RIC1: variants seen among roughly 807,000 people sequenced by gnomAD.
RIC1 encodes RIC1 partner of RAB6A GEF complex.
Under a neutral mutation model 169.0 loss-of-function variants are expected in RIC1, and 88 were observed. The ratio of observed to expected loss-of-function variants is 0.52; its 90% CI spans 0.44 to 0.62. The LOEUF (loss-of-function observed/expected upper bound fraction) is 0.62, where lower values mean the gene tolerates loss of function less well. Among genes scored for constraint, RIC1 ranks in the 20% least tolerant of loss-of-function variants. The pLI is 0.00. For missense variants in RIC1, 1,877 were observed against 1,725.5 expected, an observed-to-expected ratio of 1.09 and a Z score of -1.56; for synonymous variants, 790 against 601.5, an observed-to-expected ratio of 1.31 and a Z score of -4.59.
chr9:5,700,299 A>G (rs991972061), intron 3 of RIC1, among the ~76,000 whole-genome samples: 3 of 152,190 alleles, frequency 2.0e-5, no homozygotes, highest in African/African-American at 7.2e-5. Context: ...TTATAATGGG[A>G]TTAATCCCTT....
At chr9:5,673,951 G>C (rs898777322) in intron 2 of RIC1, among the ~76,000 whole-genome samples, 1 of 151,904 alleles carries the variant, frequency 6.6e-6, no homozygotes, top group African/African-American at 2.4e-5. Context: ...TTTATATAAA[G>C]AAAAAAATTG....
At chr9:5,777,858 C>T (rs892734155), downstream of RIC1, among the ~76,000 whole-genome samples, 5 of 152,060 alleles carry the variant, frequency 3.3e-5, no homozygotes, top group African/African-American at 1.2e-4. Context: ...ACCACATTGC[C>T]TTGATTTCTG....
rs1400462289 is a variant in RIC1 at position 5,713,753 on chromosome 9, GTC to G, written c.333-141_333-140del. The G allele has an allele frequency of 3.4e-4, 172 of 510,352 alleles. 2 individuals carry two copies. The East Asian group carries it at 5.5e-3, about 16-fold the overall frequency. 31.6% of individuals were successfully genotyped at this position (510,352 alleles called of 1,614,324 possible). On this transcript the variant is annotated intron_variant, in intron 3 of 25. Transcript: ENST00000414202. The stretch of plus-strand genomic sequence containing the variant: ...TAATGTCTGCTATAATAGAATTTAA[GTC>G]TGTTTTTCATTTGAGAATCTGAAGG...
rs1826015623 is a variant in RIC1 at position 5,756,360 on chromosome 9, G to A, written c.1841G>A (p.Arg614Lys). The change falls in exon 16 of 26, where the codon AGA becomes AAA. Residue 614 changes from arginine (R) to lysine (K), a missense_variant. This residue lies in a region of RIC1 where 1,104 missense variants were observed against 992.0 expected (regional missense o/e 1.11). Transcript: ENST00000414202. ...TCAATATGCCTTTACAGTATTGAAA[G>A]AAAATCTGATGGGTAAGTATCTGGC... ...DCSICLYSIE[R>K]KSDGPNTTAG... 5 of 1,479,954 alleles carry A rather than the reference G, an allele frequency of 3.4e-6. No homozygotes were observed. The highest frequency in any genetic ancestry group is 2.0e-5 in the Admixed American group (1 of 50,254). 91.7% of individuals were successfully genotyped at this position (1,479,954 alleles called of 1,614,324 possible).
At chr9:5,744,955 G>C (rs1317038860) in intron 10 of RIC1, among the ~76,000 whole-genome samples, 1 of 152,054 alleles carries the variant, frequency 6.6e-6, no homozygotes, top group African/African-American at 2.4e-5. Flanking sequence ...CTGATCTTGA[G>C]TTTCTTGTAG....
chr9:5,777,681 T>G (rs1827665244), downstream of RIC1, among the ~76,000 whole-genome samples: 1 of 152,196 alleles, frequency 6.6e-6, no homozygotes, highest in African/African-American at 2.4e-5. Context: ...ATATATGATA[T>G]GAAAGAGAGA....
At chr9:5,754,406 G>T (rs1825883981) in intron 14 of RIC1, among the ~76,000 whole-genome samples, 1 of 152,094 alleles carries the variant, frequency 6.6e-6, no homozygotes, top group African/African-American at 2.4e-5. Context: ...AGTTATCATT[G>T]GAGAGAGGGG....
At chr9:5,710,854 T>C (rs1029419189) in intron 3 of RIC1, among the ~76,000 whole-genome samples, 1 of 151,968 alleles carries the variant, frequency 6.6e-6, no homozygotes, top group Non-Finnish European at 1.5e-5. Context: ...AAAGAAACAG[T>C]TGAGGAACTT....
downstream of RIC1, among the ~76,000 whole-genome samples, chr9:5,777,921 T>C (rs1641660301): frequency 6.6e-6 from 1 of 152,138 alleles, no homozygotes; most frequent in African/African-American, 2.4e-5. Flanking sequence ...TTTTTCTAGG[T>C]TGTTTTGGCT....
At chr9:5,671,399 C>G (rs1820096983) in intron 2 of RIC1, among the ~76,000 whole-genome samples, 1 of 152,016 alleles carries the variant, frequency 6.6e-6, no homozygotes, top group Non-Finnish European at 1.5e-5. Context: ...CCTTACCCTC[C>G]CAAGTAGTTG....
rs187845865 is a variant in RIC1, at chr9:5,754,821, T to A, written c.1603-20T>A. 321 of 1,495,708 alleles carry A rather than the reference T, an allele frequency of 2.1e-4. No homozygotes were observed. The highest frequency in any genetic ancestry group is 2.1e-3 in the East Asian group (92 of 43,552). The allele number at this position is 1,495,708 out of a possible 1,614,324, so 92.7% of individuals were successfully genotyped here. ...TTCTGGTAGCATAAGGTAAATTTTT[T>A]AAAAAATTTTTATTTTAAGGAGCAA... is the stretch of plus-strand genomic sequence containing the variant. On this transcript the variant is annotated intron_variant, in intron 14 of 25. Transcript: ENST00000414202.
At chr9:5,732,162 C>T (rs1824407994) in intron 6 of RIC1, among the ~76,000 whole-genome samples, 1 of 152,100 alleles carries the variant, frequency 6.6e-6, no homozygotes, top group African/African-American at 2.4e-5. Flanking sequence ...CTGGACTGAG[C>T]TGAGTATTTA....
At chr9:5,709,163 C>T (rs1184761695) in intron 3 of RIC1, among the ~76,000 whole-genome samples, 2 of 152,196 alleles carry the variant, frequency 1.3e-5, no homozygotes, top group Admixed American at 6.5e-5. Context: ...CACTTCCCCT[C>T]ATATTTTATA....
At chr9:5,726,693 A>C (rs933949218) in intron 6 of RIC1, among the ~76,000 whole-genome samples, 1 of 152,122 alleles carries the variant, frequency 6.6e-6, no homozygotes, top group Non-Finnish European at 1.5e-5. Flanking sequence ...GGCTGGTACC[A>C]GTTGTTCCTT....
At chr9:5,716,605 T>G (rs1720424640) in intron 4 of RIC1, among the ~76,000 whole-genome samples, 1 of 152,146 alleles carries the variant, frequency 6.6e-6, no homozygotes, top group African/African-American at 2.4e-5. Flanking sequence ...AGAGACTGTG[T>G]CTCAAAAGAA....
chr9:5,751,743 A>T (rs1202183247), intron 12 of RIC1, among the ~76,000 whole-genome samples: 1 of 152,240 alleles, frequency 6.6e-6, no homozygotes, highest in Non-Finnish European at 1.5e-5. Flanking sequence ...ACAAATAATT[A>T]GTAAGTAAAG....
intron 1 of RIC1, among the ~76,000 whole-genome samples, chr9:5,633,570 A>G (rs938750919): frequency 6.6e-6 from 1 of 152,014 alleles, no homozygotes; most frequent in African/African-American, 2.4e-5. Context: ...CTGCTTCCCC[A>G]CTACTGCCAG....
chr9:5,728,711 TCTGGCCTG>T (rs1426328837), intron 6 of RIC1, among the ~76,000 whole-genome samples: 1 of 152,202 alleles, frequency 6.6e-6, no homozygotes, highest in Admixed American at 6.5e-5. Flanking sequence ...CTGGGAGCCT[TCTGGCCTG>T]CTCCAAATTA....
chr9:5,717,891 A>G (rs571210639), intron 4 of RIC1, among the ~76,000 whole-genome samples: 28 of 151,070 alleles, frequency 1.9e-4, no homozygotes, highest in African/African-American at 6.8e-4. Context: ...CTGTAATCCC[A>G]GCACTTTGGA....
Sources: allele counts gnomAD v4.1 joint callset (sites outside exome capture counted in the v4.1 genomes callset), GRCh38; gene constraint gnomAD v4.1.1; regional missense constraint gnomAD v4.1.1; transcripts MANE v1.5; gene names NCBI Gene and HGNC (gene_info 2026-07-23, HGNC 2026-07-21).